Variants in STXBP5L observed in about 807,000 individuals in gnomAD.
STXBP5L encodes the protein syntaxin-binding protein 5-like.
STXBP5L carries 65 observed loss-of-function variants against 144.5 expected under a neutral mutation model. The observed-to-expected ratio is 0.45, with a 90% confidence interval of 0.37 to 0.55. STXBP5L has a LOEUF of 0.55. Ranked by LOEUF, STXBP5L falls within the 20% of genes least tolerant of loss-of-function variation. The pLI is 0.00. For missense variants in STXBP5L, 1,298 were observed against 1,405.5 expected (o/e 0.92, Z 1.22); for synonymous variants, 505 against 469.6 (o/e 1.08, Z -0.97).
chr3:121,043,713 C>CAAACA (rs530054590), intron 4 of STXBP5L, among the ~76,000 whole-genome samples: 2 of 151,582 alleles, frequency 1.3e-5, no homozygotes, highest in Non-Finnish European at 2.9e-5. Flanking sequence ...ATCTCAAAAA[C>CAAACA]AAACAAACAA....
At chr3:121,397,591 C>A (rs2046762538) in intron 22 of STXBP5L, among the ~76,000 whole-genome samples, 1 of 152,158 alleles carries the variant, frequency 6.6e-6, no homozygotes, top group Non-Finnish European at 1.5e-5. Context: ...CATCGTCTTT[C>A]CACTTGAAGC....
intron 3 of STXBP5L, among the ~76,000 whole-genome samples, chr3:120,992,780 CT>C (rs1943030704): frequency 6.6e-6 from 1 of 151,878 alleles, no homozygotes; most frequent in East Asian, 1.9e-4. Flanking sequence ...GCAGATATTC[CT>C]TTGTTACACT....
intron 15 of STXBP5L, among the ~76,000 whole-genome samples, chr3:121,252,945 C>T (rs1270348974): frequency 6.6e-6 from 1 of 152,148 alleles, no homozygotes; most frequent in Non-Finnish European, 1.5e-5. Context: ...TGGTAGCTTG[C>T]TGCTTCAAAG....
chr3:121,084,628 T>C (rs970817853), intron 5 of STXBP5L, among the ~76,000 whole-genome samples: 1 of 152,234 alleles, frequency 6.6e-6, no homozygotes, highest in Admixed American at 6.5e-5. Context: ...TTGGGTTGAT[T>C]CCATGTCTTT....
chr3:120,980,331 AC>A (rs1430701479), intron 3 of STXBP5L, among the ~76,000 whole-genome samples: 4 of 152,040 alleles, frequency 2.6e-5, no homozygotes, highest in African/African-American at 9.7e-5. Flanking sequence ...GAAATCCCCC[AC>A]TATTATTGTT....
chr3:121,068,745 A>G (rs2041667240), intron 5 of STXBP5L, among the ~76,000 whole-genome samples: 1 of 152,094 alleles, frequency 6.6e-6, no homozygotes, highest in Non-Finnish European at 1.5e-5. Flanking sequence ...TATATTTATC[A>G]GCATATGTAT....
At chr3:121,204,921 T>C (rs1033085034) in intron 9 of STXBP5L, among the ~76,000 whole-genome samples, 2 of 152,194 alleles carry the variant, frequency 1.3e-5, no homozygotes, top group African/African-American at 4.8e-5. Flanking sequence ...CCATCCCCTA[T>C]AAGAAATTAT....
chr3:120,935,639 G>T (rs899385605), intron 2 of STXBP5L, among the ~76,000 whole-genome samples: 1 of 152,012 alleles, frequency 6.6e-6, no homozygotes, highest in African/African-American at 2.4e-5. Context: ...ATTGGATACA[G>T]AATTCTAGGT....
intron 9 of STXBP5L, among the ~76,000 whole-genome samples, chr3:121,191,132 C>T (rs1289393518): frequency 2.0e-5 from 3 of 151,828 alleles, no homozygotes; most frequent in Non-Finnish European, 2.9e-5. Context: ...ACTTTCTAGA[C>T]AGGGTGGCGG....
At chr3:120,913,615 TG>T (rs1474403267) in intron 2 of STXBP5L, among the ~76,000 whole-genome samples, 1 of 152,104 alleles carries the variant, frequency 6.6e-6, no homozygotes, top group Non-Finnish European at 1.5e-5. Flanking sequence ...TGTTGAATGT[TG>T]GTTCTGTGAT....
At chr3:121,175,205 CTG>C (rs1294476422) in intron 9 of STXBP5L, among the ~76,000 whole-genome samples, 3 of 152,092 alleles carry the variant, frequency 2.0e-5, no homozygotes, top group Non-Finnish European at 2.9e-5. Context: ...GGAACAAAGA[CTG>C]AGAAAAACCC....
At chr3:121,349,297 G>C (rs1229875850) in intron 20 of STXBP5L, among the ~76,000 whole-genome samples, 1 of 152,054 alleles carries the variant, frequency 6.6e-6, no homozygotes, top group Non-Finnish European at 1.5e-5. Flanking sequence ...CTGCGTTCTA[G>C]TTTGATTGCA....
intron 22 of STXBP5L, among the ~76,000 whole-genome samples, chr3:121,390,984 A>G (rs539134213): frequency 3.3e-5 from 5 of 152,164 alleles, no homozygotes; most frequent in South Asian, 2.1e-4. Context: ...GTGTTTTCCA[A>G]CTTGGTTCCA....
rs191588321 is a variant in STXBP5L at position 121,193,133 on chromosome 3, A to G, written c.878-12790A>G. 2.8e-5 allele frequency among the ~76,000 whole-genome samples: 4 copies of G among 142,944 alleles called. 1 individual carries two copies. In the East Asian group the frequency reaches 1.2e-3, roughly 42 times the overall value. 93.8% of individuals were successfully genotyped at this position (142,944 alleles called of 152,430 possible). ...TCTTAAACAAATTTACAAGAAAAAA[A>G]CAAACCACCCCATCAAAAAGTGGGC... On this transcript the variant is annotated intron_variant, in intron 9 of 26. Transcript: ENST00000471454.
intron 5 of STXBP5L, among the ~76,000 whole-genome samples, chr3:121,085,230 G>A (rs553151796): frequency 1.9e-4 from 29 of 152,066 alleles, no homozygotes; most frequent in Admixed American, 5.9e-4. Flanking sequence ...ATTACATCCC[G>A]TTTGCCAATT....
intron 3 of STXBP5L, among the ~76,000 whole-genome samples, chr3:121,003,125 T>A (rs984769074): frequency 2.6e-5 from 4 of 152,280 alleles, no homozygotes; most frequent in Non-Finnish European, 5.9e-5. Context: ...CCCGAGGAAT[T>A]GCCACACTGA....
intron 5 of STXBP5L, among the ~76,000 whole-genome samples, chr3:121,067,231 T>C (rs913579811): frequency 6.6e-6 from 1 of 152,130 alleles, no homozygotes; most frequent in South Asian, 2.1e-4. Context: ...GATGGAACCT[T>C]ACATAACTGA....
chr3:121,213,571 C>G (rs145338527), intron 10 of STXBP5L, among the ~76,000 whole-genome samples: 9 of 152,250 alleles, frequency 5.9e-5, no homozygotes, highest in Non-Finnish European at 1.3e-4. Context: ...CCAACTTGAT[C>G]GTGGTGGATA....
chr3:121,344,267 T>G (rs2044857088), intron 20 of STXBP5L, among the ~76,000 whole-genome samples: 1 of 152,166 alleles, frequency 6.6e-6, no homozygotes, highest in African/African-American at 2.4e-5. Context: ...ATTAAAGACT[T>G]AAACATTAGA....
Sources: gnomAD v4.1 joint callset for allele counts (sites outside exome capture counted in the v4.1 genomes callset) on GRCh38, gnomAD v4.1.1 for gene constraint, MANE v1.5 for transcripts, NCBI Gene and HGNC (gene_info 2026-07-23, HGNC 2026-07-21) for gene names.